ALKAL1: variants seen among roughly 807,000 people sequenced by gnomAD.
ALKAL1 encodes the protein ALK and LTK ligand 1.
Under a neutral mutation model 13.5 loss-of-function variants are expected in ALKAL1, and 23 were observed. The ratio of observed to expected loss-of-function variants is 1.70; its 90% confidence interval spans 1.23 to 2.41. ALKAL1 has a LOEUF of 2.41. Among genes scored for constraint, ALKAL1 ranks in the 30% most tolerant of loss-of-function variants. The pLI is 0.00. For synonymous variants in ALKAL1, 85 were observed against 77.7 expected (o/e 1.09, Z -0.49); for missense variants, 181 against 178.4 (o/e 1.01, Z -0.08).
chr8:52,552,535 G>A (rs569676094), intron 1 of ALKAL1, among the ~76,000 whole-genome samples: 179 of 152,256 alleles, frequency 1.2e-3, no homozygotes, highest in Admixed American at 4.3e-3. Context: ...GAATTCTTCC[G>A]CATAAGAGGT....
intron 1 of ALKAL1, among the ~76,000 whole-genome samples, chr8:52,564,326 C>T (rs972623943): frequency 3.9e-5 from 6 of 152,220 alleles, no homozygotes; most frequent in African/African-American, 1.4e-4. Flanking sequence ...CTCCTCCCTC[C>T]AGCGCTGCCC....
Position 52,565,355 on chromosome 8 carries a change from CG to C in ALKAL1, c.-100del, listed in dbSNP as rs1243426185. The C allele has an allele frequency of 2.0e-5, 20 of 992,136 alleles. No individual in the cohort carries two copies. The highest frequency in any genetic ancestry group is 2.5e-5 in the Non-Finnish European group (19 of 756,328). The allele number at this position is 992,136 out of a possible 1,614,324, so 61.5% of individuals were successfully genotyped here. ...AGAGAAGGCCAGCGGGACCACAGCG[CG>C]GCTACGCGGCCGGCCGCAGTCTTCA... On this transcript the variant is annotated 5_prime_UTR_variant, in exon 1 of 5. Coordinates refer to ENST00000358543, the MANE Select transcript of ALKAL1 (RefSeq NM_207413.4).
intron 2 of ALKAL1, among the ~76,000 whole-genome samples, chr8:52,542,004 C>T (rs551103494): frequency 1.3e-4 from 20 of 152,252 alleles, no homozygotes; most frequent in Non-Finnish European, 2.8e-4. Context: ...AGTCTGTGCA[C>T]ACCTGTCCTT....
chr8:52,534,621 C>T, intron 4 of ALKAL1, 21 bp from the exon 5 acceptor site: 1 of 588,124 alleles, frequency 1.7e-6, no homozygotes, highest in South Asian at 2.2e-5. Context: ...AAAAGAAGAG[C>T]CATATCATTT....
At position 52,565,102 on chromosome 8, in the gene ALKAL1, C is replaced by G; in HGVS notation, c.155G>C (p.Gly52Ala). 7.1e-7 allele frequency: 1 copy of G among 1,414,638 alleles called. No homozygotes were observed. The highest frequency in any genetic ancestry group is 9.3e-7 in the Non-Finnish European group (1 of 1,078,974). 87.6% of individuals were successfully genotyped at this position (1,414,638 alleles called of 1,614,324 possible). A position where few individuals can be genotyped will look rare whatever the true frequency, so the allele number is the denominator to read the frequency against. ...GGAGCCGCTGGGAGTCCGGCCGGCC[C>G]CGGCCGCGGGGAGGAAAAGCAACGG... ...PKPLLFLPAA[G>A]AGRTPSGSRS... Residue 52 changes from glycine to alanine, a missense_variant, in exon 1 of 5, where the codon GGG becomes GCG. Gly to Ala is a moderately conservative substitution (Grantham distance 60, BLOSUM62 0). Coordinates refer to ENST00000358543, the MANE Select transcript of ALKAL1 (RefSeq NM_207413.4).
chr8:52,534,796 T>C (rs1004194936), intron 4 of ALKAL1, among the ~76,000 whole-genome samples, 196 bp from the exon 5 acceptor site: 69 of 152,296 alleles, frequency 4.5e-4, no homozygotes, highest in African/African-American at 1.6e-3. Flanking sequence ...ACTTTAATTA[T>C]TGATTTTTCC....
At chr8:52,542,885 C>T (rs905557143) in intron 1 of ALKAL1, among the ~76,000 whole-genome samples, 2 of 152,098 alleles carry the variant, frequency 1.3e-5, no homozygotes, top group Admixed American at 6.5e-5. Flanking sequence ...TATTCCAGAC[C>T]CACTCACTTC....
intron 1 of ALKAL1, among the ~76,000 whole-genome samples, chr8:52,548,195 A>T (rs10958328): frequency 0.5 from 76,201 of 152,034 alleles, 19,327 homozygotes; most frequent in African/African-American, 0.54. Context: ...CTAAAAATAC[A>T]AAAACATTAG....
At chr8:52,551,501 G>T (rs76131518) in intron 1 of ALKAL1, among the ~76,000 whole-genome samples, 10 of 149,240 alleles carry the variant, frequency 6.7e-5, no homozygotes, top group African/African-American at 2.0e-4. Context: ...AGAGAAGGGG[G>T]TCTTACTTTG....
chr8:52,549,204 T>C (rs1247877781), intron 1 of ALKAL1, among the ~76,000 whole-genome samples: 1 of 151,820 alleles, frequency 6.6e-6, no homozygotes, highest in Non-Finnish European at 1.5e-5. Flanking sequence ...GTTCTTTGAG[T>C]TATTTATTTT....
chr8:52,543,215 T>G (rs1847331682), intron 1 of ALKAL1, among the ~76,000 whole-genome samples: 1 of 152,242 alleles, frequency 6.6e-6, no homozygotes, highest in African/African-American at 2.4e-5. Context: ...AACTTAAACT[T>G]TAGTAAAATA....
intron 1 of ALKAL1, among the ~76,000 whole-genome samples, chr8:52,561,839 G>A (rs1847554122): frequency 6.6e-6 from 1 of 152,170 alleles, no homozygotes; most frequent in South Asian, 2.1e-4. Context: ...AAAGCCTGTA[G>A]AAATAAGGTA....
Position 52,565,272 on chromosome 8 carries a change from G to A in ALKAL1, c.-16C>T. Reference sequence around the variant, plus strand: ...GGGGCCGCATGTTCGCAAGCCGGGAGGAGAGAGCGGGAGACTCCGGGAGGA... The same window carrying A: ...GGGGCCGCATGTTCGCAAGCCGGGAAGAGAGAGCGGGAGACTCCGGGAGGA... On this transcript the variant is annotated 5_prime_UTR_variant, in exon 1 of 5. Transcript: ENST00000358543. 1.5e-6 allele frequency: 2 copies of A among 1,301,364 alleles called. No individual in the cohort carries two copies. The highest frequency in any genetic ancestry group is 2.5e-5 in the South Asian group (1 of 40,146). 80.6% of individuals were successfully genotyped at this position (1,301,364 alleles called of 1,614,324 possible).
chr8:52,536,041 C>T (rs563124303), intron 4 of ALKAL1, among the ~76,000 whole-genome samples: 15 of 152,124 alleles, frequency 9.9e-5, no homozygotes, highest in African/African-American at 3.1e-4. Flanking sequence ...TGGGTTCAAG[C>T]GATTCTCCTG....
intron 2 of ALKAL1, among the ~76,000 whole-genome samples, chr8:52,542,054 C>T (rs1847318752): frequency 6.6e-6 from 1 of 152,150 alleles, no homozygotes; most frequent in African/African-American, 2.4e-5. Context: ...TTACTCAATG[C>T]ACTCCTTCTG....
intron 2 of ALKAL1, 96 bp downstream of exon 2, chr8:52,542,296 C>T (rs1252165360): frequency 2.5e-6 from 2 of 803,620 alleles, no homozygotes; most frequent in East Asian, 5.1e-5. Flanking sequence ...GAGTCCCCTA[C>T]AGACATTTAT....
chr8:52,552,306 C>T (rs1198940943), intron 1 of ALKAL1, among the ~76,000 whole-genome samples: 2 of 152,082 alleles, frequency 1.3e-5, no homozygotes, highest in Non-Finnish European at 2.9e-5. Context: ...GTGAAGGGTG[C>T]ACACTTTTAG....
At chr8:52,558,686 C>A (rs762626049) in intron 1 of ALKAL1, among the ~76,000 whole-genome samples, 1 of 151,976 alleles carries the variant, frequency 6.6e-6, no homozygotes, top group Non-Finnish European at 1.5e-5. Flanking sequence ...AAAGTGGGCT[C>A]CTTCATATCC....
At chr8:52,542,789 C>G (rs1295439622) in intron 1 of ALKAL1, among the ~76,000 whole-genome samples, 3 of 152,262 alleles carry the variant, frequency 2.0e-5, no homozygotes, top group Non-Finnish European at 4.4e-5. Context: ...CAGGCCCCAG[C>G]TCAAGAAGTT....
Sources: gnomAD v4.1 joint callset for allele counts (sites outside exome capture counted in the v4.1 genomes callset) on GRCh38, gnomAD v4.1.1 for gene constraint, MANE v1.5 for transcripts, NCBI Gene and HGNC (gene_info 2026-07-23, HGNC 2026-07-21) for gene names.